Variants in TAF4 observed in about 807,000 individuals in gnomAD.
TAF4 encodes TATA-box binding protein associated factor 4, also known as transcription initiation factor TFIID subunit 4.
In TAF4, 9 loss-of-function variants were observed where a neutral mutation model predicts 90.3. The ratio of observed to expected loss-of-function variants is 0.10; its 90% CI spans 0.06 to 0.17. TAF4 has a LOEUF of 0.17. Among genes scored for constraint, TAF4 ranks in the 10% least tolerant of loss-of-function variants. The pLI, the probability that TAF4 is intolerant of heterozygous loss-of-function variation, is 1.00. For synonymous variants in TAF4, 818 were observed against 638.9 expected (o/e 1.28, Z -4.23); for missense variants, 1,351 against 1,370.7 (o/e 0.99, Z 0.23).
chr20:62,005,448 TTGGCAAGAAAATGATTGCCCACAGGCTG>T (rs2055738500), intron 7 of TAF4: 1 of 152,272 alleles, frequency 6.6e-6, no homozygotes, highest in African/African-American at 2.4e-5. Context: ...AGGTCAAAAC[TTGGCAAGAAAATGATTGCCCACAGGCTG>T]TGCCTGCTTA....
At chr20:62,059,574 A>G (rs1211916079) in intron 1 of TAF4, among the ~76,000 whole-genome samples, 2 of 152,230 alleles carry the variant, frequency 1.3e-5, no homozygotes, top group Non-Finnish European at 2.9e-5. Flanking sequence ...CCAGGTGCAC[A>G]GCACTCGGCA....
Position 62,003,152 on chromosome 20 carries a change from T to A in TAF4, c.2486+8A>T. 1 of 1,612,338 alleles carries A rather than the reference T, an allele frequency of 6.2e-7. No individual in the cohort carries two copies. The highest frequency in any genetic ancestry group is 8.5e-7 in the Non-Finnish European group (1 of 1,178,382). ...CGCTTCTCCAACGTACACAGGCCCA[T>A]TCCTTACCGAAACGAACCTCCCCCA... On this transcript the variant is annotated splice_region_variant and intron_variant, in intron 9 of 14. Coordinates refer to ENST00000252996, the MANE Select transcript of TAF4 (RefSeq NM_003185.4).
chr20:61,998,082 G>A, intron 13 of TAF4, 54 bp downstream of exon 13: 1 of 1,566,726 alleles, frequency 6.4e-7, no homozygotes. Flanking sequence ...CTCCCGTGGG[G>A]CGCTACAGTG....
At chr20:61,991,195 A>C (rs951161579) in intron 14 of TAF4, among the ~76,000 whole-genome samples, 3 of 152,122 alleles carry the variant, frequency 2.0e-5, no homozygotes, top group Non-Finnish European at 4.4e-5. Context: ...GAGACGGGCA[A>C]ATCACTTGAG....
chr20:62,029,387 A>C (rs1197355035), intron 1 of TAF4, among the ~76,000 whole-genome samples: 1 of 152,114 alleles, frequency 6.6e-6, no homozygotes, highest in Non-Finnish European at 1.5e-5. Flanking sequence ...GTAACAAGGT[A>C]AACAGTGGGA....
chr20:61,982,224 A>AC (rs1280283935), intron 14 of TAF4, among the ~76,000 whole-genome samples: 1 of 1,808 alleles, frequency 5.5e-4, no homozygotes, highest in Non-Finnish European at 1.6e-3. Flanking sequence ...CCAAACCCAC[A>AC]CCCACTGAGA....
intron 14 of TAF4, among the ~76,000 whole-genome samples, chr20:61,989,957 G>A (rs544362057): frequency 6.6e-6 from 1 of 152,278 alleles, no homozygotes; most frequent in Non-Finnish European, 1.5e-5. Flanking sequence ...GCTGTGGGTG[G>A]AGGTGCGATA....
intron 1 of TAF4, among the ~76,000 whole-genome samples, chr20:62,052,337 T>C (rs1189932905): frequency 6.6e-6 from 1 of 151,878 alleles, no homozygotes. Context: ...GATCTCTCCT[T>C]AAAATACAAA....
At chr20:62,038,368 A>G (rs1289420144) in intron 1 of TAF4, among the ~76,000 whole-genome samples, 1 of 151,878 alleles carries the variant, frequency 6.6e-6, no homozygotes, top group Non-Finnish European at 1.5e-5. Flanking sequence ...TCACAGTGTT[A>G]GCCAGGATGG....
rs1194848453 is a variant in TAF4, at chr20:62,065,226, C to T, written c.585G>A (p.Ala195=). The T allele has an allele frequency of 5.3e-6, 6 of 1,132,644 alleles. No individual in the cohort carries two copies. The highest frequency in any genetic ancestry group is 1.1e-4 in the East Asian group (1 of 9,360). The allele number at this position is 1,132,644 out of a possible 1,614,324, so 70.2% of individuals were successfully genotyped here. ...GPGKPAGPGA[A]QTLNGSAALL... is the part of the protein sequence containing the mutation. Reference sequence around the variant, plus strand: ...GCGCGGCGCTCCCATTCAAAGTTTGCGCGGCGCCGGGGCCGGCGGGCTTGC... The same window carrying T: ...GCGCGGCGCTCCCATTCAAAGTTTGTGCGGCGCCGGGGCCGGCGGGCTTGC... The change falls in exon 1 of 15, where the codon GCG becomes GCA. Residue 195 remains alanine (A), a synonymous_variant. Coordinates refer to ENST00000252996, the MANE Select transcript of TAF4 (RefSeq NM_003185.4).
At chr20:62,032,065 G>A (rs1183911152) in intron 1 of TAF4, among the ~76,000 whole-genome samples, 1 of 152,252 alleles carries the variant, frequency 6.6e-6, no homozygotes, top group Non-Finnish European at 1.5e-5. Flanking sequence ...CCTGAAGCCA[G>A]CAGTATCTCA....
intron 1 of TAF4, among the ~76,000 whole-genome samples, chr20:62,018,817 C>G (rs1400317155): frequency 6.6e-6 from 1 of 152,244 alleles, no homozygotes; most frequent in Admixed American, 6.5e-5. Context: ...TCCCAAAGAC[C>G]CTCAGCATCC....
intron 14 of TAF4, among the ~76,000 whole-genome samples, chr20:61,988,122 G>A (rs1031086695): frequency 2.6e-5 from 4 of 152,172 alleles, no homozygotes; most frequent in Non-Finnish European, 4.4e-5. Context: ...CACATGATAC[G>A]GTACTGGTGG....
chr20:62,027,437 C>T (rs2055881180), intron 1 of TAF4, among the ~76,000 whole-genome samples: 1 of 152,134 alleles, frequency 6.6e-6, no homozygotes, highest in Admixed American at 6.5e-5. Context: ...ACGTCTGTCT[C>T]CCCCCTCAAC....
intron 1 of TAF4, among the ~76,000 whole-genome samples, chr20:62,061,983 C>T (rs917808929): frequency 5.3e-5 from 8 of 152,318 alleles, no homozygotes; most frequent in Admixed American, 1.3e-4. Flanking sequence ...TCTGTCCCCT[C>T]CCTTCTCCCA....
intron 1 of TAF4, chr20:62,038,019 T>G (rs2055942664): frequency 9.5e-6 from 1 of 104,808 alleles, no homozygotes; most frequent in Non-Finnish European, 2.1e-5. Flanking sequence ...TAAAAGCAAT[T>G]TTTTTGTTGT....
chr20:62,054,579 C>T (rs1009863335), intron 1 of TAF4, among the ~76,000 whole-genome samples: 2 of 152,186 alleles, frequency 1.3e-5, no homozygotes, highest in Non-Finnish European at 2.9e-5. Flanking sequence ...CAGCTCTTTG[C>T]TCTGGGCCAC....
At chr20:61,998,308 T>G in intron 12 of TAF4, 116 bp from the exon 13 acceptor site, 1 of 1,092,458 alleles carries the variant, frequency 9.2e-7, no homozygotes, top group African/African-American at 1.6e-5. Context: ...AAAGAATGCA[T>G]AGCAAATTTG....
chr20:62,043,123 A>T (rs944643960), intron 1 of TAF4, among the ~76,000 whole-genome samples: 2 of 152,136 alleles, frequency 1.3e-5, no homozygotes, highest in Non-Finnish European at 2.9e-5. Flanking sequence ...GGAGTCCAAG[A>T]CCAGTCTGGG....
Sources: allele counts gnomAD v4.1 joint callset (sites outside exome capture counted in the v4.1 genomes callset), GRCh38; gene constraint gnomAD v4.1.1; transcripts MANE v1.5; gene names NCBI Gene and HGNC (gene_info 2026-07-23, HGNC 2026-07-21).